DUS1L: variants seen among roughly 807,000 people sequenced by gnomAD.
DUS1L encodes the protein dihydrouridine synthase 1 like, also known as tRNA-dihydrouridine(16/17) synthase [NAD(P)(+)]-like.
A neutral mutation model predicts 61.2 loss-of-function variants in DUS1L; 56 were observed. The observed-to-expected ratio is 0.92, with a 90% CI of 0.74 to 1.14. DUS1L has a LOEUF of 1.14. Ranked by LOEUF, DUS1L falls within the 50% of genes most tolerant of loss-of-function variation. The pLI is 0.00. For synonymous variants in DUS1L, 278 were observed against 259.5 expected, an observed-to-expected ratio of 1.07 and a Z score of -0.69; for missense variants, 630 against 632.4, an observed-to-expected ratio of 1.00 and a Z score of 0.04.
At chr17:82,063,659 G>A (rs2033621770) in intron 3 of DUS1L, 141 bp from the exon 4 acceptor site, 2 of 975,892 alleles carry the variant, frequency 2.0e-6, no homozygotes, top group Non-Finnish European at 3.1e-6. Context: ...CCCAGAACCA[G>A]CAGTGTCTCC....
At chr17:82,062,010 C>A (rs1555660904) in intron 5 of DUS1L, 27 bp from the exon 6 acceptor site, 9 of 1,546,174 alleles carry the variant, frequency 5.8e-6, no homozygotes, top group Non-Finnish European at 7.9e-6. Flanking sequence ...GTCGCTTGAC[C>A]CCTCCAAGCC....
In DUS1L at chr17:82,061,256, G is replaced by A. The variant is rs769022278; in HGVS notation, c.795C>T (p.Cys265=). Reference sequence around the variant, plus strand: ...GGTGGGCCCGGACGTAGGACAGGGGGCAGGGGTGCTCCCGCACGATGTCCA... The same window carrying A: ...GGTGGGCCCGGACGTAGGACAGGGGACAGGGGTGCTCCCGCACGATGTCCA... ...EYLDIVREHP[C]PLSYVRAHLF... The change falls in exon 8 of 14, where the codon TGC becomes TGT. Residue 265 remains cysteine (C), a synonymous_variant. Transcript: ENST00000306796. 6.2e-7 allele frequency: 1 copy of A among 1,610,462 alleles called. No homozygotes were observed. The highest frequency in any genetic ancestry group is 1.7e-5 in the Admixed American group (1 of 59,776).
rs373901135 is a variant in DUS1L, at chr17:82,061,678, A to G, written c.637T>C (p.Cys213Arg). 16 of 1,612,912 alleles carry G rather than the reference A, an allele frequency of 9.9e-6. No homozygotes were observed. The South Asian group carries it at 1.6e-4, about 17-fold the overall frequency. The change falls in exon 7 of 14, where the codon TGC (cysteine) becomes CGC (arginine). Residue 213 changes from cysteine (C) to arginine (R), a missense_variant. Physicochemically the swap from Cys to Arg is radical, Grantham distance 180. Transcript: ENST00000306796. ...AGGCAGCGCTCCACGTCCTGCAGGC[A>G]CTGGATGTTCCCGTTAGCAAACACA... ...IPVFANGNIQCLQDVERCLRD... is the reference protein window; with the variant it reads ...IPVFANGNIQRLQDVERCLRD...
Position 82,062,790 on chromosome 17 carries a change from G to T in DUS1L, c.510+71C>A, listed in dbSNP as rs563782499. The T allele has an allele frequency of 7.4e-4, 1,005 of 1,349,878 alleles. 2 individuals carry two copies. The highest frequency in any genetic ancestry group is 1.0e-3 in the Non-Finnish European group (953 of 952,472). The allele number at this position is 1,349,878 out of a possible 1,614,324, so 83.6% of individuals were successfully genotyped here. A position where few individuals can be genotyped will look rare whatever the true frequency, so the allele number is the denominator to read the frequency against. On this transcript the variant is annotated intron_variant, in intron 5 of 13. Coordinates refer to ENST00000306796, the MANE Select transcript of DUS1L (RefSeq NM_022156.5). ...GGTGCACGGTGTCTGGACACAGGAAGAGCCTCAGCTATGTCCTCTGCGCAA... is the reference window on the plus strand; with the variant it reads ...GGTGCACGGTGTCTGGACACAGGAATAGCCTCAGCTATGTCCTCTGCGCAA...
chr17:82,063,401 G>A (rs1348819809), intron 4 of DUS1L, 67 bp downstream of exon 4: 1 of 1,607,706 alleles, frequency 6.2e-7, no homozygotes, highest in Non-Finnish European at 8.5e-7. Context: ...CCAACCAAGT[G>A]GACAGTGCCC....
chr17:82,058,759 C>CT, intron 12 of DUS1L, 22 bp downstream of exon 12: 1 of 1,613,206 alleles, frequency 6.2e-7, no homozygotes, highest in Non-Finnish European at 8.5e-7. Flanking sequence ...GCCTTGGTGG[C>CT]TTGCAGCCGG....
Position 82,064,200 on chromosome 17 carries a change from G to T in DUS1L, c.272C>A (p.Ala91Glu). Residue 91 changes from alanine to glutamate, a missense_variant, in exon 3 of 14, where the codon GCG becomes GAG. Ala to Glu is a moderately radical substitution (Grantham distance 107, BLOSUM62 -1). Transcript: ENST00000306796. ...ACAGTAATCCTGAGCCAGGAGAGCC[G>T]CCTGAACAAACACCTCCGGGTCATT... is the stretch of plus-strand genomic sequence containing the variant. ...CANDPEVFVQ[A>E]ALLAQDYCDA... 1 of 1,612,424 alleles carries T rather than the reference G, an allele frequency of 6.2e-7. No homozygotes were observed. Among genetic ancestry groups the T allele is most frequent in the African/African-American group, 1.3e-5 (1 of 75,020 alleles).
chr17:82,058,355 G>A lies in DUS1L; in HGVS notation c.1268C>T (p.Thr423Ile). 1 of 1,500,934 alleles carries A rather than the reference G, an allele frequency of 6.7e-7. No individual in the cohort carries two copies. The highest frequency in any genetic ancestry group is 1.4e-5 in the South Asian group (1 of 73,704). The allele number at this position is 1,500,934 out of a possible 1,614,324, so 93.0% of individuals were successfully genotyped here. Residue 423 changes from threonine (T) to isoleucine (I), a missense_variant, in exon 13 of 14, where the codon ACT (threonine) becomes ATT (isoleucine). Thr to Ile is a moderately conservative substitution (Grantham distance 89). Coordinates refer to ENST00000306796, the MANE Select transcript of DUS1L (RefSeq NM_022156.5). Reference sequence around the variant, plus strand: ...GGCGCCCTCACCTGGGCAGTCTGCAGTCTCTTTGGAGGCTCGCTTCTTGCA... The same window carrying A: ...GGCGCCCTCACCTGGGCAGTCTGCAATCTCTTTGGAGGCTCGCTTCTTGCA... ...GCCKKRASKE[T>I]ADCPGHGLLF... is the part of the protein sequence containing the mutation.
chr17:82,060,214 G>T, intron 10 of DUS1L, 121 bp from the exon 11 acceptor site: 1 of 1,275,866 alleles, frequency 7.8e-7, no homozygotes, highest in South Asian at 1.5e-5. Context: ...GCTGCTGTGA[G>T]GAGTGCCCTC....
intron 8 of DUS1L, 46 bp from the exon 9 acceptor site, chr17:82,061,007 G>A (rs375568108): frequency 2.5e-5 from 40 of 1,588,370 alleles, no homozygotes; most frequent in African/African-American, 1.6e-4. Context: ...CGGCTCCACC[G>A]TCAGGCCCCA....
rs777477372 is a variant in DUS1L at position 82,058,800 on chromosome 17, T to G, written c.1187A>C (p.Asp396Ala). The G allele has an allele frequency of 6.2e-7, 1 of 1,613,392 alleles. No homozygotes were observed. The highest frequency in any genetic ancestry group is 1.1e-5 in the South Asian group (1 of 91,088). Residue 396 changes from aspartate to alanine, a missense_variant, in exon 12 of 14, where the codon GAC (aspartate) becomes GCC (alanine). Physicochemically the swap from Asp to Ala is moderately radical, Grantham distance 126. Transcript: ENST00000306796. ...PSLKPKYAKC[D>A]QCGNPKGNRC... is the part of the protein sequence containing the mutation. ...ACTCACCTTTGGGTTTCCACACTGG[T>G]CACACTTTGCATATTTTGCTAGGAA...
rs969767794 is a variant in DUS1L, at chr17:82,059,211, A to G, written c.1169-393T>C. 7 of 207,084 alleles carry G rather than the reference A, an allele frequency of 3.4e-5. No homozygotes were observed. In the South Asian group the frequency reaches 7.0e-4, roughly 21 times the overall value. 12.8% of individuals were successfully genotyped at this position (207,084 alleles called of 1,614,324 possible). On this transcript the variant is annotated intron_variant, in intron 11 of 13. Transcript: ENST00000306796. Reference sequence around the variant, plus strand: ...AAAAGGGCCAAGAAGGGTCAAATCAAGAATTCAGCCTGAAGCCCCACTTCC... The same window carrying G: ...AAAAGGGCCAAGAAGGGTCAAATCAGGAATTCAGCCTGAAGCCCCACTTCC...
Position 82,058,401 on chromosome 17 carries a change from A to G in DUS1L, c.1222T>C (p.Phe408Leu). The G allele has an allele frequency of 6.7e-7, 1 of 1,494,588 alleles. No individual in the cohort carries two copies. The highest frequency in any genetic ancestry group is 8.9e-7 in the Non-Finnish European group (1 of 1,120,474). 92.6% of individuals were successfully genotyped at this position (1,494,588 alleles called of 1,614,324 possible). Residue 408 changes from phenylalanine (F) to leucine (L), a missense_variant, in exon 13 of 14, where the codon TTC becomes CTC. Transcript: ENST00000306796. Reference protein sequence around the residue: ...CGNPKGNRCVFSLCRGCCKKR... With the variant: ...CGNPKGNRCVLSLCRGCCKKR... Reference sequence around the variant, plus strand: ...TTGCAGCAGCCGCGGCACAGGCTGAACACACATCTGTTGCCCTGGGCACAG... The same window carrying G: ...TTGCAGCAGCCGCGGCACAGGCTGAGCACACATCTGTTGCCCTGGGCACAG...
At chr17:82,064,674 C>T in intron 2 of DUS1L, 149 bp downstream of exon 2, 1 of 816,418 alleles carries the variant, frequency 1.2e-6, no homozygotes, top group African/African-American at 1.7e-5. Context: ...CTCTACATGC[C>T]TGGTGCCACC....
rs112799927 is a variant in DUS1L, at chr17:82,061,798, G to T, written c.594-77C>A. ...ATGCTGCCCCCAGCCACGGCCCCCT[G>T]GGTGGTCACGGGCGTCAGGCGTGCC... On this transcript the variant is annotated intron_variant, in intron 6 of 13. Coordinates refer to ENST00000306796, the MANE Select transcript of DUS1L (RefSeq NM_022156.5). 1.5e-3 allele frequency: 2,388 copies of T among 1,593,582 alleles called. 28 individuals carry two copies. In the African/African-American group the frequency reaches 0.027, roughly 18 times the overall value.
rs768472271 is a variant in DUS1L, at chr17:82,064,120, G to A, written c.346+6C>T. On this transcript the variant is annotated splice_donor_region_variant and intron_variant, in intron 3 of 13. Coordinates refer to ENST00000306796, the MANE Select transcript of DUS1L (RefSeq NM_022156.5). ...CAGGTGCCCCCATGCTCCACATGGA[G>A]CTCACCTCTCTTGGCTATCATCTGT... The A allele has an allele frequency of 2.5e-6, 4 of 1,610,536 alleles. No individual in the cohort carries two copies. Among genetic ancestry groups the A allele is most frequent in the Non-Finnish European group, 3.4e-6 (4 of 1,179,128 alleles).
At chr17:82,060,551 C>T (rs755558262) in intron 10 of DUS1L, 150 bp downstream of exon 10, 181 of 1,015,990 alleles carry the variant, frequency 1.8e-4, no homozygotes, top group Non-Finnish European at 2.3e-4. Context: ...GTGTGCTGCT[C>T]GGAGCCGAGG....
chr17:82,064,327 G>A (rs2144749547), intron 2 of DUS1L, 93 bp from the exon 3 acceptor site: 1 of 1,111,556 alleles, frequency 9.0e-7, no homozygotes, highest in Non-Finnish European at 1.3e-6. Flanking sequence ...CCCCATGAGG[G>A]TGTGGGCCCA....
At chr17:82,062,046 G>T in intron 5 of DUS1L, 63 bp from the exon 6 acceptor site, 1 of 1,056,444 alleles carries the variant, frequency 9.5e-7, no homozygotes, top group Non-Finnish European at 1.2e-6. Flanking sequence ...AGCCCCCTCC[G>T]CCCCTCCACG....
Sources: allele counts gnomAD v4.1 joint callset, GRCh38; gene constraint gnomAD v4.1.1; transcripts MANE v1.5; gene names NCBI Gene and HGNC (gene_info 2026-07-23, HGNC 2026-07-21).